Variants in OPRM1 observed in about 807,000 individuals in gnomAD.
The protein encoded by OPRM1 is mu-type opioid receptor.
OPRM1 carries 27 observed loss-of-function variants against 31.8 expected under a neutral mutation model. The observed-to-expected ratio is 0.85, with a 90% confidence interval of 0.63 to 1.17. OPRM1 has a LOEUF of 1.17. Ranked by LOEUF, OPRM1 falls within the 50% of genes most tolerant of loss-of-function variation. The pLI is 0.00. For missense variants in OPRM1, 536 were observed against 511.1 expected (o/e 1.05, Z -0.47); for synonymous variants, 196 against 189.9 (o/e 1.03, Z -0.26).
intron 1 of OPRM1, among the ~76,000 whole-genome samples, chr6:154,027,878 T>A (rs561946621): frequency 6.6e-6 from 1 of 152,306 alleles, no homozygotes; most frequent in East Asian, 1.9e-4. Flanking sequence ...TTCAGAGTAG[T>A]GGGCTATCCT....
At chr6:154,187,244 T>C (rs566909558) in intron 3 of OPRM1, among the ~76,000 whole-genome samples, 5 of 152,128 alleles carry the variant, frequency 3.3e-5, no homozygotes, top group Admixed American at 1.3e-4. Context: ...CCCCACCCCA[T>C]ACCCCACCTC....
chr6:154,062,085 TGTTAA>T (rs1395261017), intron 1 of OPRM1, among the ~76,000 whole-genome samples: 9 of 152,240 alleles, frequency 5.9e-5, no homozygotes, highest in South Asian at 2.1e-4. Context: ...TGGCTGTACT[TGTTAA>T]GTTTAGAGTG....
chr6:154,210,555 G>T lies in OPRM1; in HGVS notation c.1165-36138G>T, dbSNP rs553935284. ...ATAATGTCTTTAGAGGCATTAAAGG[G>T]TAAACTAATCAGAAAGTTGTCAAAA... On this transcript the variant is annotated intron_variant, in intron 3 of 3. Coordinates refer to the OPRM1 transcript ENST00000337049. 4.6e-5 allele frequency among the ~76,000 whole-genome samples: 7 copies of T among 152,216 alleles called. No homozygotes were observed. The East Asian group carries it at 1.2e-3, about 25-fold the overall frequency.
chr6:154,039,760 G>A lies in OPRM1; in HGVS notation c.216G>A (p.Thr72=), dbSNP rs866096570. Residue 72 remains threonine, a synonymous_variant, in exon 1 of 4, where the codon ACG becomes ACA. Transcript: ENST00000330432. ...GTCCCTCCATGATCACGGCCATCAC[G>A]ATCATGGCCCTCTACTCCATCGTGT... The part of the protein sequence containing the change: ...TGSPSMITAI[T]IMALYSIVCV... 3.1e-6 allele frequency: 5 copies of A among 1,606,136 alleles called. No homozygotes were observed. Among genetic ancestry groups the A allele is most frequent in the Admixed American group, 1.7e-5 (1 of 60,016 alleles).
At chr6:154,069,036 T>C (rs1481803648) in intron 1 of OPRM1, among the ~76,000 whole-genome samples, 2 of 152,178 alleles carry the variant, frequency 1.3e-5, no homozygotes, top group African/African-American at 4.8e-5. Flanking sequence ...CTTTTGCCCA[T>C]TTGTTAATTA....
At chr6:154,104,797 T>G (rs1208168407) in intron 3 of OPRM1, among the ~76,000 whole-genome samples, 1 of 152,232 alleles carries the variant, frequency 6.6e-6, no homozygotes, top group Non-Finnish European at 1.5e-5. Context: ...GGAATGCTGT[T>G]CCACAGAAGG....
At chr6:154,200,186 A>C in intron 3 of OPRM1, 1 of 733,332 alleles carries the variant, frequency 1.4e-6, no homozygotes, top group Non-Finnish European at 2.1e-6. Context: ...AAGATATGAT[A>C]TTTATTTCTG....
chr6:154,164,301 T>C (rs772966674), intron 3 of OPRM1, among the ~76,000 whole-genome samples: 9 of 152,324 alleles, frequency 5.9e-5, no homozygotes, highest in African/African-American at 1.2e-4. Context: ...AGCTGACACT[T>C]CTCATATGGC....
intron 3 of OPRM1, among the ~76,000 whole-genome samples, chr6:154,185,998 T>C (rs1801309249): frequency 6.6e-6 from 1 of 152,230 alleles, no homozygotes; most frequent in Non-Finnish European, 1.5e-5. Context: ...ATTGCTTGTG[T>C]TCTTTGCGGC....
intron 1 of OPRM1, among the ~76,000 whole-genome samples, chr6:154,031,608 G>A (rs757228928): frequency 3.3e-5 from 5 of 152,010 alleles, no homozygotes; most frequent in Non-Finnish European, 5.9e-5. Context: ...GGGCATAGTC[G>A]TGCACGCCTG....
chr6:154,053,158 G>A (rs1232351372), intron 1 of OPRM1, among the ~76,000 whole-genome samples: 1 of 152,150 alleles, frequency 6.6e-6, no homozygotes, highest in Admixed American at 6.5e-5. Flanking sequence ...TATCTTTATT[G>A]GATATGCTTT....
chr6:154,160,161 C>T (rs1042792461), intron 3 of OPRM1: 10 of 738,976 alleles, frequency 1.4e-5, no homozygotes, highest in Admixed American at 6.3e-5. Flanking sequence ...CATTTTTGCA[C>T]GTTAATGTTC....
intron 3 of OPRM1, among the ~76,000 whole-genome samples, chr6:154,164,571 A>G (rs959198155): frequency 2.0e-5 from 3 of 152,210 alleles, no homozygotes; most frequent in African/African-American, 7.2e-5. Context: ...CTGGCAGGCA[A>G]GCAAGGTTTG....
chr6:154,070,393 T>G (rs1055191609), intron 1 of OPRM1, among the ~76,000 whole-genome samples: 1 of 152,210 alleles, frequency 6.6e-6, no homozygotes, highest in Non-Finnish European at 1.5e-5. Context: ...TTTATCTAGA[T>G]GGGGAGACAG....
Position 154,175,727 on chromosome 6 carries a change from G to A in OPRM1, c.1165-70966G>A, listed in dbSNP as rs530025685. Among the ~76,000 whole-genome samples, 39 of 152,208 alleles carry A rather than the reference G, an allele frequency of 2.6e-4. 1 individual carries two copies. The highest frequency in any genetic ancestry group is 2.3e-3 in the East Asian group (12 of 5,180). ...TCCAGGACCAGATGGATTCGCAGCC[G>A]AATTCTACCAGAGGTACAAAGAGGA... On this transcript the variant is annotated intron_variant, in intron 3 of 3. Transcript: ENST00000337049.
Position 154,090,971 on chromosome 6 carries a change from A to T in OPRM1, c.663A>T (p.Leu221=). The part of the protein sequence containing the change: ...KYRQGSIDCT[L]TFSHPTWYWE... ...TTCTAGGTTCCATAGATTGTACACTAACATTCTCTCATCCAACCTGGTACT... is the reference window on the plus strand; with the variant it reads ...TTCTAGGTTCCATAGATTGTACACTTACATTCTCTCATCCAACCTGGTACT... Residue 221 remains leucine, a synonymous_variant, in exon 3 of 4, where the codon CTA becomes CTT. Transcript: ENST00000330432. 6.2e-7 allele frequency: 1 copy of T among 1,613,820 alleles called. No individual in the cohort carries two copies. Among genetic ancestry groups the T allele is most frequent in the Non-Finnish European group, 8.5e-7 (1 of 1,179,848 alleles).
chr6:154,106,479 C>A (rs565246018), intron 3 of OPRM1, among the ~76,000 whole-genome samples: 2 of 152,150 alleles, frequency 1.3e-5, no homozygotes, highest in African/African-American at 4.8e-5. Context: ...GCAAGTTGTA[C>A]GGTAAGAGTC....
chr6:154,134,697 CAGAT>C (rs1169511904), downstream of OPRM1, among the ~76,000 whole-genome samples: 1 of 152,158 alleles, frequency 6.6e-6, no homozygotes, highest in Non-Finnish European at 1.5e-5. Flanking sequence ...GCTTCTGACT[CAGAT>C]AGAAGGAGCG....
At chr6:154,198,928 C>T (rs1231058786) in intron 3 of OPRM1, among the ~76,000 whole-genome samples, 1 of 152,098 alleles carries the variant, frequency 6.6e-6, no homozygotes, top group African/African-American at 2.4e-5. Flanking sequence ...ATCAGGTAAG[C>T]GTGTTTTACA....
Sources: gnomAD v4.1 joint callset for allele counts (sites outside exome capture counted in the v4.1 genomes callset) on GRCh38, gnomAD v4.1.1 for gene constraint, MANE v1.5 for transcripts, NCBI Gene and HGNC (gene_info 2026-07-23, HGNC 2026-07-21) for gene names.